Variants in ECHDC2 observed in about 807,000 individuals in gnomAD.
ECHDC2 encodes enoyl-CoA hydratase domain-containing protein 2, mitochondrial.
A neutral mutation model predicts 40.6 loss-of-function variants in ECHDC2; 34 were observed. That is an observed-to-expected ratio of 0.84 (90% CI 0.64 to 1.11). The LOEUF (loss-of-function observed/expected upper bound fraction) is 1.11. Among genes scored for constraint, ECHDC2 ranks in the 50% most tolerant of loss-of-function variants. The pLI is 0.00. For synonymous variants in ECHDC2, 162 were observed against 166.6 expected (o/e 0.97, Z 0.21); for missense variants, 392 against 400.7 (o/e 0.98, Z 0.19).
In ECHDC2 at chr1:52,905,204, G is replaced by A. The variant is rs550708963; in HGVS notation, c.458-114C>T. ...TCGCCCCTCTAGCCACTTGCCCCAT[G>A]GTCTGGCCACAGCCAGGCCTCTCCA... On this transcript the variant is annotated intron_variant, in intron 5 of 9. Coordinates refer to ENST00000371522, the MANE Select transcript of ECHDC2 (RefSeq NM_001198961.2). 86 of 1,198,886 alleles carry A rather than the reference G, an allele frequency of 7.2e-5. 1 individual carries two copies. The African/African-American group carries it at 1.2e-3, about 16-fold the overall frequency. The allele number at this position is 1,198,886 out of a possible 1,614,324, so 74.3% of individuals were successfully genotyped here.
intron 7 of ECHDC2, chr1:52,900,385 A>G (rs1033270636): frequency 6.6e-6 from 1 of 152,252 alleles, no homozygotes; most frequent in Non-Finnish European, 1.5e-5. Flanking sequence ...GTTTTGTTTT[A>G]TAAACGAAGG....
At chr1:52,908,501 AAAG>A (rs1400009606) in intron 3 of ECHDC2, among the ~76,000 whole-genome samples, 3 of 152,194 alleles carry the variant, frequency 2.0e-5, no homozygotes. Flanking sequence ...ACTCCGTTTC[AAAG>A]AAGAAAAAAG....
In ECHDC2 at chr1:52,914,528, G is replaced by C. The variant is rs1650255383; in HGVS notation, c.122-2738C>G. The stretch of plus-strand genomic sequence containing the variant: ...GAGCAGGATAAGCTGAGGCAGGAGG[G>C]ACCTCCCTTCCACAGCTAACACACG... On this transcript the variant is annotated intron_variant, in intron 1 of 9. Coordinates refer to ENST00000371522, the MANE Select transcript of ECHDC2 (RefSeq NM_001198961.2). This position sits in a 1 kb window ranked among gnomAD's most constrained non-coding sequence, Gnocchi z 4.0. Among the ~76,000 whole-genome samples, 1 of 152,186 alleles carries C rather than the reference G, an allele frequency of 6.6e-6. No homozygotes were observed. Among genetic ancestry groups the C allele is most frequent in the South Asian group, 2.1e-4 (1 of 4,824 alleles).
Position 52,896,584 on chromosome 1 carries a change from C to T in ECHDC2, c.815G>A (p.Arg272Gln), listed in dbSNP as rs536501241. The T allele has an allele frequency of 8.4e-5, 135 of 1,613,978 alleles. No homozygotes were observed. The highest frequency in any genetic ancestry group is 1.7e-4 in the Middle Eastern group (1 of 6,050). ...GMCYAQNIPT[R>Q]DRLEGMAAFR... is the part of the protein sequence containing the mutation. ...GGCTGCCATGCCCTCTAGCCGGTCC[C>T]GGGTTGGAATATTCTGCAACAAGGT... The change falls in exon 10 of 10, where the codon CGG (arginine) becomes CAG (glutamine). Residue 272 changes from arginine to glutamine, a missense_variant. By Grantham distance (43) the Arg-to-Gln change is conservative. Coordinates refer to ENST00000371522, the MANE Select transcript of ECHDC2 (RefSeq NM_001198961.2).
At chr1:52,912,219 T>TG in intron 1 of ECHDC2, 2 of 249,556 alleles carry the variant, frequency 8.0e-6, no homozygotes, top group Non-Finnish European at 1.4e-5. Flanking sequence ...GTTTTTTTTT[T>TG]TTTTTTAGAC....
intron 5 of ECHDC2, 74 bp downstream of exon 5, chr1:52,906,445 T>G (rs765310652): frequency 8.0e-7 from 1 of 1,244,388 alleles, no homozygotes; most frequent in South Asian, 1.3e-5. Context: ...GACTGCAGAA[T>G]GTCCAGACTC....
chr1:52,906,130 T>C, intron 5 of ECHDC2: 2 of 357,488 alleles, frequency 5.6e-6, no homozygotes, highest in South Asian at 4.2e-5. Context: ...CCAGGCACCT[T>C]TGTGATTAGC....
At chr1:52,921,380 A>T in intron 1 of ECHDC2, 173 bp downstream of exon 1, 1 of 1,392,420 alleles carries the variant, frequency 7.2e-7, no homozygotes. Context: ...GTCTGGAGCC[A>T]CTAAGGCGGC....
chr1:52,902,615 T>C (rs1419292632), intron 7 of ECHDC2, among the ~76,000 whole-genome samples: 2 of 152,236 alleles, frequency 1.3e-5, no homozygotes, highest in Non-Finnish European at 2.9e-5. Context: ...ATATGATTAA[T>C]TCAATATATG....
intron 4 of ECHDC2, chr1:52,907,109 T>A (rs1648121314): frequency 6.7e-6 from 1 of 150,004 alleles, no homozygotes; most frequent in Admixed American, 6.6e-5. Context: ...CTTTTTTTTT[T>A]TTTTTGAGAT....
intron 4 of ECHDC2, 119 bp downstream of exon 4, chr1:52,907,749 G>A (rs1648282268): frequency 3.4e-6 from 3 of 883,660 alleles, no homozygotes. Context: ...TGAGTCATCT[G>A]TCTTATCACA....
chr1:52,917,880 A>G (rs1033367611), intron 1 of ECHDC2, among the ~76,000 whole-genome samples: 1 of 152,246 alleles, frequency 6.6e-6, no homozygotes, highest in African/African-American at 2.4e-5. Context: ...CCACAACATA[A>G]TACTTGATAA....
In ECHDC2 at chr1:52,911,546, G is replaced by A; in HGVS notation, c.277+20C>T. 6.2e-7 allele frequency: 1 copy of A among 1,611,430 alleles called. No individual in the cohort carries two copies. Among genetic ancestry groups the A allele is most frequent in the Non-Finnish European group, 8.5e-7 (1 of 1,179,074 alleles). Reference sequence around the variant, plus strand: ...TGGGCACCCTGCAGAGCACAGATGGGGGCAGGAGAGAGAACCTACCTGCAC... The same window carrying A: ...TGGGCACCCTGCAGAGCACAGATGGAGGCAGGAGAGAGAACCTACCTGCAC... On this transcript the variant is annotated intron_variant, in intron 3 of 9. Transcript: ENST00000371522.
Position 52,896,238 on chromosome 1 carries a change from T to G in ECHDC2, c.*282A>C. ...ATACCAAGACTCAGAGAGATCTAAT[T>G]TAATTCTTTATCATTCAAGTAGAGA... On this transcript the variant is annotated 3_prime_UTR_variant, in exon 10 of 10. Transcript: ENST00000371522. 2 of 401,964 alleles carry G rather than the reference T, an allele frequency of 5.0e-6. No individual in the cohort carries two copies. Among genetic ancestry groups the G allele is most frequent in the South Asian group, 5.2e-5 (2 of 38,380 alleles). The allele number at this position is 401,964 out of a possible 1,614,324, so 24.9% of individuals were successfully genotyped here.
chr1:52,919,152 G>A (rs865817523), intron 1 of ECHDC2, among the ~76,000 whole-genome samples: 2 of 152,074 alleles, frequency 1.3e-5, no homozygotes, highest in Non-Finnish European at 2.9e-5. Flanking sequence ...CAAGTCCATG[G>A]AAAAACTGTC....
At chr1:52,906,206 G>A (rs1419451937) in intron 5 of ECHDC2, 1 of 414,028 alleles carries the variant, frequency 2.4e-6, no homozygotes, top group Non-Finnish European at 4.7e-6. Flanking sequence ...AATCTGACTT[G>A]GACAGAATGG....
intron 1 of ECHDC2, among the ~76,000 whole-genome samples, chr1:52,917,054 C>A (rs1360782611): frequency 6.6e-6 from 1 of 151,754 alleles, no homozygotes; most frequent in African/African-American, 2.4e-5. Flanking sequence ...GAAACCCCGT[C>A]TTTACTAAAA....
intron 3 of ECHDC2, among the ~76,000 whole-genome samples, chr1:52,910,806 C>T (rs1398089852): frequency 6.6e-6 from 1 of 152,200 alleles, no homozygotes; most frequent in East Asian, 1.9e-4. Flanking sequence ...GATACGGTGG[C>T]ATGCAGGTGG....
intron 7 of ECHDC2, 147 bp downstream of exon 7, chr1:52,904,499 G>C (rs766595578): frequency 2.7e-5 from 19 of 705,798 alleles, no homozygotes; most frequent in Non-Finnish European, 4.2e-5. Context: ...TGACTTGATT[G>C]TGTTTACTGG....
Sources: gnomAD v4.1 joint callset for allele counts (sites outside exome capture counted in the v4.1 genomes callset) on GRCh38, gnomAD v4.1.1 for gene constraint, Gnocchi (gnomAD v3.1) non-coding constraint, MANE v1.5 for transcripts, NCBI Gene and HGNC (gene_info 2026-07-23, HGNC 2026-07-21) for gene names.